The following CACNB2 variants were observed in gnomAD, a reference collection of about 807,000 sequenced individuals.
CACNB2 encodes the protein voltage-dependent L-type calcium channel subunit beta-2.
Under a neutral mutation model 73.3 loss-of-function variants are expected in CACNB2, and 42 were observed. That is an observed-to-expected ratio of 0.57 (90% CI 0.45 to 0.74). The LOEUF is 0.74. Among genes scored for constraint, CACNB2 ranks in the 30% least tolerant of loss-of-function variants. CACNB2 has a pLI of 0.00. For missense variants in CACNB2, 940 were observed against 853.0 expected, an observed-to-expected ratio of 1.10 and a Z score of -1.27; for synonymous variants, 348 against 310.3, an observed-to-expected ratio of 1.12 and a Z score of -1.28.
intron 2 of CACNB2, among the ~76,000 whole-genome samples, chr10:18,328,335 A>G (rs11013640): frequency 0.048 from 7,353 of 152,310 alleles, 226 homozygotes; most frequent in Admixed American, 0.11. Flanking sequence ...GTGGGATTCA[A>G]TAGTTGGTAT....
intron 2 of CACNB2, among the ~76,000 whole-genome samples, chr10:18,268,694 T>A (rs1564391618): frequency 6.6e-6 from 1 of 152,178 alleles, no homozygotes; most frequent in Non-Finnish European, 1.5e-5. Context: ...TATGTTGCAA[T>A]AAGTATGTTT....
At chr10:18,335,517 C>T (rs1313691790) in intron 2 of CACNB2, among the ~76,000 whole-genome samples, 1 of 152,094 alleles carries the variant, frequency 6.6e-6, no homozygotes, top group Non-Finnish European at 1.5e-5. Context: ...TTGCTTGAAC[C>T]CAGGAGGCAG....
chr10:18,303,214 G>C (rs1168006105), intron 2 of CACNB2, among the ~76,000 whole-genome samples: 1 of 152,116 alleles, frequency 6.6e-6, no homozygotes, highest in Non-Finnish European at 1.5e-5. Flanking sequence ...GTTTAAGAAA[G>C]GGAGAAGGCC....
intron 9 of CACNB2, among the ~76,000 whole-genome samples, chr10:18,522,015 C>T (rs1183394332): frequency 6.6e-6 from 1 of 152,166 alleles, no homozygotes; most frequent in Non-Finnish European, 1.5e-5. Context: ...CCTCATCACT[C>T]ACACATTATT....
chr10:18,346,057 G>A (rs2041438010), intron 2 of CACNB2, among the ~76,000 whole-genome samples: 1 of 152,174 alleles, frequency 6.6e-6, no homozygotes, highest in African/African-American at 2.4e-5. Context: ...GAGACCCTGT[G>A]CCTTTGTAGC....
At chr10:18,353,345 G>A (rs1376759972) in intron 2 of CACNB2, among the ~76,000 whole-genome samples, 1 of 151,800 alleles carries the variant, frequency 6.6e-6, no homozygotes, top group East Asian at 1.9e-4. Context: ...GGGAGGCAGA[G>A]TTTGCAGTGA....
chr10:18,449,508 G>A (rs1259360491), intron 3 of CACNB2, among the ~76,000 whole-genome samples: 2 of 152,242 alleles, frequency 1.3e-5, no homozygotes, highest in African/African-American at 2.4e-5. Context: ...CCAAGACAGA[G>A]TCAGAGGGGG....
At chr10:18,389,475 T>C (rs2043372023) in intron 2 of CACNB2, among the ~76,000 whole-genome samples, 1 of 152,208 alleles carries the variant, frequency 6.6e-6, no homozygotes, top group African/African-American at 2.4e-5. Flanking sequence ...TGTATGTATA[T>C]ATAGAAATGA....
chr10:18,248,827 C>T (rs2036972835), intron 2 of CACNB2, among the ~76,000 whole-genome samples: 1 of 152,164 alleles, frequency 6.6e-6, no homozygotes, highest in Non-Finnish European at 1.5e-5. Flanking sequence ...CTCTGTTCCT[C>T]TCTCCCTCTG....
At chr10:18,470,322 T>C (rs1359138258) in intron 3 of CACNB2, among the ~76,000 whole-genome samples, 1 of 149,146 alleles carries the variant, frequency 6.7e-6, no homozygotes, top group African/African-American at 2.4e-5. Context: ...ATATATATAT[T>C]GTATATAATG....
intron 2 of CACNB2, among the ~76,000 whole-genome samples, chr10:18,216,936 C>G (rs2035536854): frequency 6.6e-6 from 1 of 152,198 alleles, no homozygotes; most frequent in African/African-American, 2.4e-5. Flanking sequence ...TTAACCAGTT[C>G]ATTTATTTGG....
intron 3 of CACNB2, among the ~76,000 whole-genome samples, chr10:18,439,724 A>T (rs2046319422): frequency 6.6e-6 from 1 of 152,134 alleles, no homozygotes; most frequent in African/African-American, 2.4e-5. Context: ...TTCAGCTTCT[A>T]ATAGCTTCTC....
At chr10:18,522,089 AC>A (rs1247802848) in intron 9 of CACNB2, among the ~76,000 whole-genome samples, 4 of 152,050 alleles carry the variant, frequency 2.6e-5, no homozygotes, top group African/African-American at 9.7e-5. Context: ...CACAAACTCT[AC>A]TGTGAACTCT....
At chr10:18,467,771 C>A (rs758317161) in intron 3 of CACNB2, among the ~76,000 whole-genome samples, 5 of 152,188 alleles carry the variant, frequency 3.3e-5, no homozygotes, top group Non-Finnish European at 7.3e-5. Context: ...AACCCCTCCC[C>A]AGGCACAGTC....
Position 18,534,224 on chromosome 10 carries a change from T to G in CACNB2, c.1203T>G (p.Pro401=), listed in dbSNP as rs144498352. The G allele has an allele frequency of 6.2e-7, 1 of 1,611,976 alleles. No homozygotes were observed. Among genetic ancestry groups the G allele is most frequent in the East Asian group, 2.2e-5 (1 of 44,860 alleles). Residue 401 remains proline (P), a synonymous_variant, in exon 11 of 14, where the codon CCT becomes CCG. Transcript: ENST00000324631. ...TAGTATATGTAAAGATTTCTTCTCC[T>G]AAGGTAAGTAGGACTGCTACTGTTT... ...PIIVYVKISS[P]KVLQRLIKSR...
chr10:18,202,410 A>G (rs551444805), intron 2 of CACNB2, among the ~76,000 whole-genome samples: 1 of 152,072 alleles, frequency 6.6e-6, no homozygotes, highest in Non-Finnish European at 1.5e-5. Context: ...CTAACTCTCA[A>G]ATGAGCCACC....
At chr10:18,288,662 G>A (rs2038906962) in intron 2 of CACNB2, among the ~76,000 whole-genome samples, 1 of 94,744 alleles carries the variant, frequency 1.1e-5, no homozygotes, top group African/African-American at 4.8e-5. Flanking sequence ...GCAAGATGCA[G>A]CAAATGAGAT....
intron 2 of CACNB2, among the ~76,000 whole-genome samples, chr10:18,300,751 A>G (rs902868793): frequency 1.3e-5 from 2 of 152,180 alleles, no homozygotes; most frequent in African/African-American, 4.8e-5. Flanking sequence ...CGGGAGGCTG[A>G]GGTATGAGAA....
chr10:18,403,854 G>A (rs2044138411), intron 3 of CACNB2, among the ~76,000 whole-genome samples: 1 of 149,788 alleles, frequency 6.7e-6, no homozygotes, highest in Admixed American at 6.7e-5. Context: ...GGTGAGATGG[G>A]AATGGTTAAT....
Sources: gnomAD v4.1 joint callset for allele counts (sites outside exome capture counted in the v4.1 genomes callset) on GRCh38, gnomAD v4.1.1 for gene constraint, MANE v1.5 for transcripts, NCBI Gene and HGNC (gene_info 2026-07-23, HGNC 2026-07-21) for gene names.